The following KIFC3 variants were observed in gnomAD, a reference collection of about 807,000 sequenced individuals.
KIFC3 encodes kinesin-like protein KIFC3.
KIFC3 carries 60 observed loss-of-function variants against 101.8 expected under a neutral mutation model. That is an observed-to-expected ratio of 0.59 (90% CI 0.48 to 0.73). KIFC3 has a LOEUF of 0.73. KIFC3 is among the 30% of genes least tolerant of loss of function. The pLI, the probability that KIFC3 is intolerant of heterozygous loss-of-function variation, is 0.00. For synonymous variants in KIFC3, 476 were observed against 482.7 expected (o/e 0.99, Z 0.18); for missense variants, 966 against 1,137.1 (o/e 0.85, Z 2.16).
Position 57,759,789 on chromosome 16 carries a change from T to C in KIFC3, c.2415A>G (p.Ser805=). 6.2e-7 allele frequency: 1 copy of C among 1,610,972 alleles called. No individual in the cohort carries two copies. Among genetic ancestry groups the C allele is most frequent in the Non-Finnish European group, 8.5e-7 (1 of 1,178,784 alleles). ...QTPQPSARAH[S]APSSGTSSRP... is the part of the protein sequence containing the mutation. The stretch of plus-strand genomic sequence containing the variant: ...GGCTACTGGTCCCAGAGCTGGGGGC[T>C]GAGTGGGCCCGTGCCGAGGGCTGTG... Residue 805 remains serine, a synonymous_variant, in exon 18 of 20, where the codon TCA becomes TCG. Coordinates refer to ENST00000445690, the MANE Select transcript of KIFC3 (RefSeq NM_001130100.2).
At chr16:57,804,420 T>C (rs548116174), upstream of KIFC3, among the ~76,000 whole-genome samples, 29 of 152,284 alleles carry the variant, frequency 1.9e-4, no homozygotes, top group African/African-American at 6.7e-4. Flanking sequence ...CAGTGTGTGA[T>C]AGAGCTATGA....
chr16:57,808,705 A>G (rs2055000337), intron 1 of KIFC3, among the ~76,000 whole-genome samples: 1 of 152,138 alleles, frequency 6.6e-6, no homozygotes. Flanking sequence ...TTTCTGTGTT[A>G]AGGAGAGACA....
chr16:57,781,396 G>C (rs1471797190), intron 3 of KIFC3, among the ~76,000 whole-genome samples: 1 of 152,218 alleles, frequency 6.6e-6, no homozygotes, highest in Non-Finnish European at 1.5e-5. Flanking sequence ...CATGGCTCTA[G>C]GGACATTCAC....
At chr16:57,787,954 C>T (rs2053501166) in intron 3 of KIFC3, among the ~76,000 whole-genome samples, 1 of 152,248 alleles carries the variant, frequency 6.6e-6, no homozygotes, top group Admixed American at 6.5e-5. Flanking sequence ...CTTCCGGGCT[C>T]CTAGAGGATG....
intron 1 of KIFC3, among the ~76,000 whole-genome samples, chr16:57,857,397 T>TC (rs2056193959): frequency 6.7e-6 from 1 of 148,690 alleles, no homozygotes; most frequent in Non-Finnish European, 1.5e-5. Flanking sequence ...AAACCTTTCT[T>TC]TTTTTTTTTT....
At chr16:57,837,153 AG>A (rs1555480498) in intron 1 of KIFC3, among the ~76,000 whole-genome samples, 1 of 152,146 alleles carries the variant, frequency 6.6e-6, no homozygotes, top group African/African-American at 2.4e-5. Context: ...AACTCAATAG[AG>A]AAAAACATTA....
chr16:57,786,225 C>T lies in KIFC3; in HGVS notation c.315+8774G>A, dbSNP rs533233451. Among the ~76,000 whole-genome samples, 40 of 152,256 alleles carry T rather than the reference C, an allele frequency of 2.6e-4. No individual in the cohort carries two copies. In the South Asian group the frequency reaches 8.1e-3, roughly 31 times the overall value. On this transcript the variant is annotated intron_variant, in intron 3 of 19. Coordinates refer to ENST00000445690, the MANE Select transcript of KIFC3 (RefSeq NM_001130100.2). ...GCCAGCCCCACACATGGAGCAAGAA[C>T]TCAGCCAGCCGGCACCTAGCAAGGA... is the stretch of plus-strand genomic sequence containing the variant.
intron 4 of KIFC3, 143 bp downstream of exon 4, chr16:57,772,080 G>A: frequency 4.1e-6 from 3 of 730,912 alleles, no homozygotes; most frequent in Non-Finnish European, 6.9e-6. Context: ...AGGAGGTGGG[G>A]ATAAGGCTCT....
At chr16:57,783,468 T>TTTTC (rs201838415) in intron 3 of KIFC3, among the ~76,000 whole-genome samples, 454 of 37,012 alleles carry the variant, frequency 0.012, 11 homozygotes, top group Non-Finnish European at 0.024. Flanking sequence ...GCCCATTTTC[T>TTTTC]TTTCTTTTTT....
At chr16:57,758,970 T>C (rs921441193) in intron 19 of KIFC3, 61 bp from the exon 20 acceptor site, 1 of 1,526,744 alleles carries the variant, frequency 6.5e-7, no homozygotes. Context: ...CCACAGCAGT[T>C]GCCACCGAGA....
At chr16:57,811,629 C>CG (rs1330094210) in intron 1 of KIFC3, among the ~76,000 whole-genome samples, 1 of 151,760 alleles carries the variant, frequency 6.6e-6, no homozygotes, top group Admixed American at 6.6e-5. Context: ...AGGCCTGAGG[C>CG]GTGGGGCCAA....
chr16:57,857,867 C>A (rs1309195783), intron 1 of KIFC3, among the ~76,000 whole-genome samples: 1 of 128,424 alleles, frequency 7.8e-6, no homozygotes, highest in Non-Finnish European at 1.6e-5. Context: ...CTCTCTGTCG[C>A]CCAGGCTGGA....
At chr16:57,781,985 G>A in intron 3 of KIFC3, 2 of 985,420 alleles carry the variant, frequency 2.0e-6, no homozygotes, top group Non-Finnish European at 2.4e-6. Context: ...AGCCAGTGGT[G>A]GATAGGGCTG....
chr16:57,760,901 GCCC>G lies in KIFC3; in HGVS notation c.2054_2056del (p.Gly685del). On this transcript the variant is annotated inframe_deletion, in exon 16 of 20. Coordinates refer to ENST00000445690, the MANE Select transcript of KIFC3 (RefSeq NM_001130100.2). Reference sequence around the variant, plus strand: ...CGCCTCCCGCAGGCGGCTGCCCTCGGCCCCCGACTTGCCCACGCGCTCCGAGCC... The same window carrying G: ...CGCCTCCCGCAGGCGGCTGCCCTCGGCCGACTTGCCCACGCGCTCCGAGCC... The G allele has an allele frequency of 1.9e-6, 3 of 1,609,578 alleles. No individual in the cohort carries two copies. Among genetic ancestry groups the G allele is most frequent in the South Asian group, 1.1e-5 (1 of 90,970 alleles).
chr16:57,806,489 T>C (rs2054940656), upstream of KIFC3, among the ~76,000 whole-genome samples: 1 of 152,120 alleles, frequency 6.6e-6, no homozygotes, highest in Non-Finnish European at 1.5e-5. Context: ...TACCATCTGC[T>C]CCTTCAGGAC....
Position 57,760,784 on chromosome 16 carries a change from A to G in KIFC3, c.2174T>C (p.Leu725Pro). ...QGHVPFRNSK[L>P]TYLLQDSLSG... ...AAGCGAATCCTGCAGCAGGTAGGTGAGCTTGGAGTTGCGGAAGGGCACGTG... is the reference window on the plus strand; with the variant it reads ...AAGCGAATCCTGCAGCAGGTAGGTGGGCTTGGAGTTGCGGAAGGGCACGTG... Residue 725 changes from leucine to proline, a missense_variant, in exon 16 of 20, where the codon CTC (leucine) becomes CCC (proline). Physicochemically the swap from Leu to Pro is moderately conservative, Grantham distance 98 (BLOSUM62 -3). This residue lies in a region of KIFC3 where 689 missense variants were observed against 884.6 expected (regional missense o/e 0.78). Transcript: ENST00000445690. 1 of 1,613,860 alleles carries G rather than the reference A, an allele frequency of 6.2e-7. No homozygotes were observed. The highest frequency in any genetic ancestry group is 8.5e-7 in the Non-Finnish European group (1 of 1,180,004).
chr16:57,858,113 G>T (rs1443178466), intron 1 of KIFC3, among the ~76,000 whole-genome samples: 1 of 152,028 alleles, frequency 6.6e-6, no homozygotes, highest in African/African-American at 2.4e-5. Flanking sequence ...ACCGCGCCTG[G>T]CCCCACATTT....
chr16:57,771,907 G>A (rs1312080626), intron 4 of KIFC3, among the ~76,000 whole-genome samples: 1 of 152,198 alleles, frequency 6.6e-6, no homozygotes, highest in African/African-American at 2.4e-5. Context: ...GAGTTGAGAA[G>A]GGTGGTGACC....
At chr16:57,840,375 C>T (rs2055778658) in intron 1 of KIFC3, among the ~76,000 whole-genome samples, 1 of 152,040 alleles carries the variant, frequency 6.6e-6, no homozygotes, top group African/African-American at 2.4e-5. Flanking sequence ...GACACAGTGG[C>T]TCATCCTATA....
Sources: gnomAD v4.1 joint callset for allele counts (sites outside exome capture counted in the v4.1 genomes callset) on GRCh38, gnomAD v4.1.1 for gene constraint, gnomAD v4.1.1 regional missense constraint, MANE v1.5 for transcripts, NCBI Gene and HGNC (gene_info 2026-07-23, HGNC 2026-07-21) for gene names.